The following POLR3GL variants were observed in gnomAD, a reference collection of about 807,000 sequenced individuals.
POLR3GL encodes the protein RNA polymerase III subunit GL, also known as DNA-directed RNA polymerase III subunit RPC7-like.
In POLR3GL, 26 loss-of-function variants were observed where a neutral mutation model predicts 32.4. That is an observed-to-expected ratio of 0.80 (90% confidence interval 0.59 to 1.11). POLR3GL has a LOEUF of 1.11. Among genes scored for constraint, POLR3GL ranks in the 50% most tolerant of loss-of-function variants. POLR3GL has a pLI of 0.00. For missense variants in POLR3GL, 229 were observed against 280.1 expected, an observed-to-expected ratio of 0.82 and a Z score of 1.30; for synonymous variants, 95 against 98.7, an observed-to-expected ratio of 0.96 and a Z score of 0.22.
intron 1 of POLR3GL, among the ~76,000 whole-genome samples, chr1:145,972,015 T>TATATATAC: frequency 3.1e-5 from 4 of 130,250 alleles, no homozygotes; most frequent in African/African-American, 1.2e-4. Context: ...TATATATACG[T>TATATATAC]GTGTGTGTGT....
At chr1:145,977,915 T>C (rs1288045545) in intron 6 of POLR3GL, 64 bp downstream of exon 6, 9 of 1,613,722 alleles carry the variant, frequency 5.6e-6, no homozygotes, top group Non-Finnish European at 7.6e-6. Flanking sequence ...TCTTGGCCCA[T>C]GTGTGCCTCA....
Position 145,978,494 on chromosome 1 carries a change from A to ACTCT in POLR3GL, c.*49_*50insCTCT. 2.6e-6 allele frequency: 3 copies of ACTCT among 1,156,686 alleles called. No homozygotes were observed. Among genetic ancestry groups the ACTCT allele is most frequent in the Non-Finnish European group, 3.9e-6 (3 of 773,322 alleles). 71.7% of individuals were successfully genotyped at this position (1,156,686 alleles called of 1,614,324 possible). ...GTCTTTCTTTAGGATACAGAGAGTA[A>ACTCT]CTGTACCTATTATTTGTTTCTTCAG... is the stretch of plus-strand genomic sequence containing the variant. On this transcript the variant is annotated 3_prime_UTR_variant, in exon 8 of 8. Coordinates refer to ENST00000369314, the MANE Select transcript of POLR3GL (RefSeq NM_032305.3).
At chr1:145,967,069 C>T (rs1207172423) in intron 1 of POLR3GL, among the ~76,000 whole-genome samples, 1 of 151,926 alleles carries the variant, frequency 6.6e-6, no homozygotes, top group Non-Finnish European at 1.5e-5. Context: ...ATAGTCTTTC[C>T]AGTGAGGTAT....
At chr1:145,977,911 C>T in intron 6 of POLR3GL, 60 bp downstream of exon 6, 2 of 1,613,808 alleles carry the variant, frequency 1.2e-6, no homozygotes, top group African/African-American at 1.3e-5. Flanking sequence ...TCTCTCTTGG[C>T]CCATGTGTGC....
chr1:145,978,091 G>A lies in POLR3GL; in HGVS notation c.565G>A (p.Glu189Lys). Residue 189 changes from glutamate to lysine, a missense_variant, in exon 7 of 8, where the codon GAA becomes AAA. Physicochemically the swap from Glu to Lys is moderately conservative, Grantham distance 56 (BLOSUM62 1). Transcript: ENST00000369314. ...AGAAGAGTATGATGAAGAAGAACATGAAGAGGTGAAGGGGACTCCTTCCAC... is the reference window on the plus strand; with the variant it reads ...AGAAGAGTATGATGAAGAAGAACATAAAGAGGTGAAGGGGACTCCTTCCAC... ...EEEEYDEEEH[E>K]EETDYIMSYF... 6.3e-7 allele frequency: 1 copy of A among 1,593,546 alleles called. No homozygotes were observed. Among genetic ancestry groups the A allele is most frequent in the Non-Finnish European group, 8.6e-7 (1 of 1,168,826 alleles).
intron 5 of POLR3GL, 96 bp downstream of exon 5, chr1:145,977,635 T>C (rs1424817398): frequency 7.4e-7 from 1 of 1,344,048 alleles, no homozygotes; most frequent in Non-Finnish European, 1.1e-6. Context: ...TCCCAGTTCC[T>C]ATACCCAATC....
At chr1:145,968,421 A>G (rs1650128735) in intron 1 of POLR3GL, among the ~76,000 whole-genome samples, 1 of 151,956 alleles carries the variant, frequency 6.6e-6, no homozygotes, top group Non-Finnish European at 1.5e-5. Flanking sequence ...CTAACCTCAA[A>G]CTCATGGCCA....
chr1:145,975,931 C>T (rs587735928), intron 3 of POLR3GL, among the ~76,000 whole-genome samples: 6 of 151,946 alleles, frequency 3.9e-5, no homozygotes, highest in Admixed American at 2.0e-4. Flanking sequence ...CACTGCACCA[C>T]GCTATTTCTT....
At chr1:145,976,222 G>A (rs755529261) in intron 3 of POLR3GL, among the ~76,000 whole-genome samples, 31 of 152,032 alleles carry the variant, frequency 2.0e-4, no homozygotes, top group Non-Finnish European at 4.0e-4. Flanking sequence ...GGGAGGTGGA[G>A]GTTGCAGTGA....
intron 1 of POLR3GL, among the ~76,000 whole-genome samples, chr1:145,966,439 A>C (rs1279910869): frequency 6.8e-6 from 1 of 147,030 alleles, no homozygotes; most frequent in Non-Finnish European, 1.5e-5. Flanking sequence ...CAAAATTGCC[A>C]CTGCACTGCA....
intron 1 of POLR3GL, among the ~76,000 whole-genome samples, chr1:145,966,123 A>G (rs1650013299): frequency 2.7e-5 from 4 of 149,252 alleles, no homozygotes; most frequent in African/African-American, 1.0e-4. Flanking sequence ...TCTCAAAAAA[A>G]AAAAAAAAAA....
At chr1:145,971,144 C>G (rs1254558265) in intron 1 of POLR3GL, among the ~76,000 whole-genome samples, 1 of 134,468 alleles carries the variant, frequency 7.4e-6, no homozygotes, top group African/African-American at 3.0e-5. Flanking sequence ...CGAGATCGCG[C>G]CATTGCACTC....
intron 1 of POLR3GL, among the ~76,000 whole-genome samples, chr1:145,969,851 G>A (rs1650199472): frequency 6.7e-6 from 1 of 150,268 alleles, no homozygotes; most frequent in Admixed American, 6.6e-5. Flanking sequence ...CCCGTAAGGT[G>A]GAGGCTGCGG....
chr1:145,977,627 C>T, intron 5 of POLR3GL, 88 bp downstream of exon 5: 1 of 1,378,806 alleles, frequency 7.3e-7, no homozygotes. Context: ...ACCTTCCATC[C>T]CAGTTCCTAT....
intron 1 of POLR3GL, among the ~76,000 whole-genome samples, chr1:145,971,021 T>TAAA (rs1299009307): frequency 1.4e-5 from 2 of 145,920 alleles, no homozygotes; most frequent in Non-Finnish European, 3.0e-5. Context: ...CCCTCTGTAC[T>TAAA]AAAAAAAGTA....
intron 2 of POLR3GL, 137 bp from the exon 3 acceptor site, chr1:145,975,170 A>C: frequency 3.0e-6 from 4 of 1,342,956 alleles, no homozygotes; most frequent in Non-Finnish European, 4.1e-6. Context: ...CCCAGCTTTC[A>C]AAATAATATG....
chr1:145,968,630 G>A (rs1650143304), intron 1 of POLR3GL, among the ~76,000 whole-genome samples: 2 of 150,728 alleles, frequency 1.3e-5, no homozygotes. Context: ...GGAGTGCAGT[G>A]GCACAATCTT....
chr1:145,973,038 C>T (rs56280100), intron 1 of POLR3GL, among the ~76,000 whole-genome samples: 13,653 of 151,978 alleles, frequency 0.09, 1,947 homozygotes, highest in African/African-American at 0.3. Context: ...TTTTGAGCAC[C>T]TCCTTACTTT....
At chr1:145,972,617 G>A (rs1383926608) in intron 1 of POLR3GL, among the ~76,000 whole-genome samples, 1 of 152,044 alleles carries the variant, frequency 6.6e-6, no homozygotes, top group Non-Finnish European at 1.5e-5. Context: ...TTTGGCCATT[G>A]GGAACTTTTT....
Sources: gnomAD v4.1 joint callset for allele counts (sites outside exome capture counted in the v4.1 genomes callset) on GRCh38, gnomAD v4.1.1 for gene constraint, MANE v1.5 for transcripts, NCBI Gene and HGNC (gene_info 2026-07-23, HGNC 2026-07-21) for gene names.